The following HEATR4 variants were observed in gnomAD, a reference collection of about 807,000 sequenced individuals.
The protein encoded by HEATR4 is HEAT repeat-containing protein 4.
A neutral mutation model predicts 108.8 loss-of-function variants in HEATR4; 95 were observed. The ratio of observed to expected loss-of-function variants is 0.87; its 90% confidence interval spans 0.74 to 1.04. The LOEUF (loss-of-function observed/expected upper bound fraction) is 1.04. Among genes scored for constraint, HEATR4 ranks in the 50% least tolerant of loss-of-function variants. The pLI is 0.00. For synonymous variants in HEATR4, 443 were observed against 459.4 expected (o/e 0.96, Z 0.46); for missense variants, 1,152 against 1,253.8 (o/e 0.92, Z 1.23).
At chr14:73,479,171 A>G (rs1885141184) in intron 17 of HEATR4, among the ~76,000 whole-genome samples, 2 of 151,008 alleles carry the variant, frequency 1.3e-5, no homozygotes, top group Admixed American at 6.6e-5. Context: ...GCTGGAGTGC[A>G]GTGGCGCCAT....
chr14:73,593,433 G>T, the HEATR4 span, among the ~76,000 whole-genome samples: 5 of 147,652 alleles, frequency 3.4e-5, no homozygotes, highest in Admixed American at 6.8e-5. Context: ...TGACCTCTGG[G>T]GCTCAAGTGA....
the HEATR4 span, among the ~76,000 whole-genome samples, chr14:73,603,917 A>G: frequency 6.6e-6 from 1 of 151,992 alleles, no homozygotes; most frequent in Non-Finnish European, 1.5e-5. Context: ...TATTTTTAGT[A>G]GAGACAGGGT....
the HEATR4 span, chr14:73,633,660 C>A: frequency 6.6e-6 from 1 of 152,346 alleles, no homozygotes. Flanking sequence ...CCGGCACTTA[C>A]CGTTAAAAAT....
intron 17 of HEATR4, among the ~76,000 whole-genome samples, chr14:73,490,570 C>G (rs1307489764): frequency 6.6e-6 from 1 of 152,198 alleles, no homozygotes; most frequent in Non-Finnish European, 1.5e-5. Context: ...ATCCGCCCGC[C>G]TCGGCCTCCC....
chr14:73,494,407 C>T (rs952951843), intron 16 of HEATR4, among the ~76,000 whole-genome samples: 3 of 152,126 alleles, frequency 2.0e-5, no homozygotes, highest in African/African-American at 4.8e-5. Flanking sequence ...GAGTCTGTCA[C>T]CATAATGGAT....
the HEATR4 span, chr14:73,569,508 C>G: frequency 1.2e-6 from 2 of 1,609,284 alleles, no homozygotes; most frequent in East Asian, 4.5e-5. Context: ...CGGCCTAGCC[C>G]CGGAGCAGCC....
intron 16 of HEATR4, among the ~76,000 whole-genome samples, chr14:73,494,808 A>C (rs908796507): frequency 1.3e-5 from 2 of 152,098 alleles, no homozygotes; most frequent in African/African-American, 4.8e-5. Context: ...TGATCCTCCC[A>C]CCATGGCCTC....
At chr14:73,483,231 TA>T (rs1344808193) in intron 17 of HEATR4, among the ~76,000 whole-genome samples, 1 of 152,224 alleles carries the variant, frequency 6.6e-6, no homozygotes, top group Non-Finnish European at 1.5e-5. Context: ...GAACATGAAG[TA>T]TACTAATAAT....
chr14:73,599,077 G>C, the HEATR4 span, among the ~76,000 whole-genome samples: 1 of 152,106 alleles, frequency 6.6e-6, no homozygotes, highest in East Asian at 1.9e-4. Context: ...TAAAATACAT[G>C]TATAAGCCAA....
In HEATR4 at chr14:73,530,930, C is replaced by T. The variant is rs1339257949; in HGVS notation, c.-151-686G>A. On this transcript the variant is annotated intron_variant, in intron 1 of 17. Coordinates refer to ENST00000553558, the MANE Select transcript of HEATR4 (RefSeq NM_001220484.1). The stretch of plus-strand genomic sequence containing the variant: ...CTAGGAATACAGGCATGAGCCACTG[C>T]ACCAGGCCTAATGTCCTGATTTTAT... 2.0e-5 allele frequency: 2 copies of T among 101,930 alleles called. 1 individual carries two copies. The highest frequency in any genetic ancestry group is 4.2e-5 in the Non-Finnish European group (2 of 47,528). The allele number at this position is 101,930 out of a possible 1,614,324, so 6.3% of individuals were successfully genotyped here.
chr14:73,491,849 C>A lies in HEATR4; in HGVS notation c.2844+1217G>T, dbSNP rs752660410. 6.2e-6 allele frequency: 10 copies of A among 1,609,614 alleles called. No individual in the cohort carries two copies. The African/African-American group carries it at 1.2e-4, about 19-fold the overall frequency. ...CGGACGACGCGAGACCCTGAACCCA[C>A]CCGGCCGCGCGCTGCCCGCCGCCGC... On this transcript the variant is annotated intron_variant, in intron 17 of 17. Coordinates refer to ENST00000553558, the MANE Select transcript of HEATR4 (RefSeq NM_001220484.1).
the HEATR4 span, among the ~76,000 whole-genome samples, chr14:73,565,917 T>C: frequency 7.2e-5 from 11 of 152,054 alleles, no homozygotes; most frequent in Non-Finnish European, 1.2e-4. Flanking sequence ...TTTTATTCTC[T>C]TATCTGGCCC....
chr14:73,564,955 T>C, the HEATR4 span, among the ~76,000 whole-genome samples: 11 of 152,162 alleles, frequency 7.2e-5, no homozygotes, highest in East Asian at 1.5e-3. Flanking sequence ...ACCTGCTTTT[T>C]TCATCAGTGT....
At chr14:73,547,209 C>T (rs1181571355) in intron 1 of HEATR4, among the ~76,000 whole-genome samples, 2 of 113,020 alleles carry the variant, frequency 1.8e-5, no homozygotes, top group Admixed American at 2.0e-4. Context: ...GGTAAAACGC[C>T]ATCTCTACTG....
At chr14:73,509,235 G>A in intron 8 of HEATR4, 77 bp downstream of exon 8, 1 of 1,369,182 alleles carries the variant, frequency 7.3e-7, no homozygotes, top group South Asian at 1.2e-5. Context: ...TCACAGTGGA[G>A]AGGAAAGGAC....
chr14:73,600,612 C>T, the HEATR4 span, among the ~76,000 whole-genome samples: 8 of 151,960 alleles, frequency 5.3e-5, no homozygotes, highest in South Asian at 2.1e-4. Flanking sequence ...CCACCACACC[C>T]GGCTAATTTG....
intron 16 of HEATR4, among the ~76,000 whole-genome samples, chr14:73,493,735 G>A (rs1292846346): frequency 6.6e-6 from 1 of 152,180 alleles, no homozygotes; most frequent in Non-Finnish European, 1.5e-5. Context: ...CTACTAGGGG[G>A]GCTGAGGCAG....
the HEATR4 span, among the ~76,000 whole-genome samples, chr14:73,626,789 C>CCTT: frequency 1.2e-5 from 1 of 82,358 alleles, no homozygotes; most frequent in African/African-American, 6.2e-5. Flanking sequence ...GACAAACAGC[C>CCTT]TTTTTTTTTT....
At chr14:73,569,465 C>T in the HEATR4 span, 1 of 1,613,450 alleles carries the variant, frequency 6.2e-7, no homozygotes, top group Non-Finnish European at 8.5e-7. Flanking sequence ...CGGGCCGCTG[C>T]TGCTGGGACG....
Sources: gnomAD v4.1 joint callset for allele counts (sites outside exome capture counted in the v4.1 genomes callset) on GRCh38, gnomAD v4.1.1 for gene constraint, MANE v1.5 for transcripts, NCBI Gene and HGNC (gene_info 2026-07-23, HGNC 2026-07-21) for gene names.